CHN2: variants seen among roughly 807,000 people sequenced by gnomAD.
The protein encoded by CHN2 is chimerin 2.
In CHN2, 35 loss-of-function variants were observed where a neutral mutation model predicts 56.3. The ratio of observed to expected loss-of-function variants is 0.62; its 90% CI spans 0.47 to 0.82. CHN2 has a LOEUF of 0.82. CHN2 is among the 40% of genes least tolerant of loss of function. The probability of loss-of-function intolerance (pLI) is 0.00; values close to 1 mark genes in which losing one functional copy is unlikely to be tolerated. For missense variants in CHN2, 491 were observed against 580.5 expected (o/e 0.85, Z 1.58); for synonymous variants, 210 against 212.8 (o/e 0.99, Z 0.12).
intron 1 of CHN2, chr7:29,212,339 C>T: frequency 6.8e-7 from 1 of 1,475,236 alleles, no homozygotes; most frequent in East Asian, 2.3e-5. Context: ...GCTTGCCTTG[C>T]TTCGAAGCAT....
chr7:29,484,930 A>G (rs768155647), intron 7 of CHN2, among the ~76,000 whole-genome samples: 8 of 152,244 alleles, frequency 5.3e-5, no homozygotes, highest in Non-Finnish European at 1.0e-4. Flanking sequence ...TGGTCCAGGC[A>G]TAACTGCTGA....
intron 2 of CHN2, among the ~76,000 whole-genome samples, chr7:29,154,351 T>G (rs573396207): frequency 6.6e-6 from 1 of 152,350 alleles, no homozygotes; most frequent in South Asian, 2.1e-4. Flanking sequence ...CATGTCTGTA[T>G]GAGCTAAATG....
chr7:29,336,307 A>G (rs1796610899), intron 1 of CHN2, among the ~76,000 whole-genome samples: 1 of 152,178 alleles, frequency 6.6e-6, no homozygotes, highest in African/African-American at 2.4e-5. Flanking sequence ...TTAACTATCC[A>G]GTGTGAGAAA....
At chr7:29,398,170 T>G in intron 4 of CHN2, 1 of 404,336 alleles carries the variant, frequency 2.5e-6, no homozygotes, top group Non-Finnish European at 4.4e-6. Context: ...TCCTTCCTTT[T>G]GTTTGCCTGC....
chr7:29,265,450 T>C (rs1790062377), intron 1 of CHN2, among the ~76,000 whole-genome samples: 2 of 152,324 alleles, frequency 1.3e-5, no homozygotes, highest in Middle Eastern at 6.8e-3. Flanking sequence ...GACTTCTGCC[T>C]CCTTAAGGCC....
intron 2 of CHN2, among the ~76,000 whole-genome samples, chr7:29,150,270 A>G (rs1344063373): frequency 6.6e-6 from 1 of 152,232 alleles, no homozygotes; most frequent in Non-Finnish European, 1.5e-5. Flanking sequence ...TGTACATGAT[A>G]AAAATACTAT....
intron 6 of CHN2, among the ~76,000 whole-genome samples, chr7:29,476,054 A>G (rs1786561808): frequency 6.6e-6 from 1 of 152,218 alleles, no homozygotes; most frequent in Non-Finnish European, 1.5e-5. Flanking sequence ...TAGTAGAAGG[A>G]AAGACACTTG....
intron 1 of CHN2, among the ~76,000 whole-genome samples, chr7:29,298,148 C>T (rs545509234): frequency 6.6e-5 from 10 of 152,208 alleles, no homozygotes; most frequent in African/African-American, 1.7e-4. Context: ...ATGTTTCTAT[C>T]CCCACTACTG....
intron 1 of CHN2, among the ~76,000 whole-genome samples, chr7:29,244,269 TG>T: frequency 1.3e-5 from 2 of 152,258 alleles, no homozygotes; most frequent in Middle Eastern, 3.4e-3. Context: ...CAGATAGAGG[TG>T]GCCCTGGGTA....
intron 1 of CHN2, among the ~76,000 whole-genome samples, chr7:29,305,751 A>G (rs1247297887): frequency 2.0e-5 from 3 of 147,120 alleles, no homozygotes; most frequent in Non-Finnish European, 4.5e-5. Context: ...TCTATTTCAT[A>G]TGTAAATCTT....
intron 7 of CHN2, among the ~76,000 whole-genome samples, chr7:29,494,276 C>CT (rs376653261): frequency 1.8e-3 from 264 of 149,172 alleles, no homozygotes; most frequent in South Asian, 6.4e-3. Flanking sequence ...CCTTTTTATA[C>CT]TTTTTTTTTT....
At chr7:29,227,318 T>G (rs1269937090) in intron 1 of CHN2, among the ~76,000 whole-genome samples, 1 of 152,198 alleles carries the variant, frequency 6.6e-6, no homozygotes, top group Admixed American at 6.5e-5. Context: ...CTCAGTGATC[T>G]CCTTTCTGGC....
chr7:29,494,950 TAAAAAAAA>T (rs5883217), intron 7 of CHN2, among the ~76,000 whole-genome samples: 1,025 of 64,692 alleles, frequency 0.016, 19 homozygotes, highest in South Asian at 0.022. Flanking sequence ...AAGCAGTTTG[TAAAAAAAA>T]AAAAAAAAAA....
intron 1 of CHN2, chr7:29,213,108 A>C (rs113501072): frequency 1.3e-6 from 2 of 1,588,038 alleles, no homozygotes; most frequent in Non-Finnish European, 1.7e-6. Context: ...TGGAAGCTGC[A>C]GGGGAAGGCC....
chr7:29,390,928 G>A (rs570014223), intron 3 of CHN2, among the ~76,000 whole-genome samples: 2 of 152,302 alleles, frequency 1.3e-5, no homozygotes, highest in South Asian at 4.1e-4. Context: ...TGTATGATTT[G>A]TATAGCACCA....
intron 7 of CHN2, among the ~76,000 whole-genome samples, chr7:29,483,570 T>A (rs1787596626): frequency 2.0e-5 from 3 of 152,182 alleles, no homozygotes; most frequent in Non-Finnish European, 2.9e-5. Context: ...ATGGTGAAAT[T>A]AACAGACTCC....
chr7:29,260,409 G>A (rs985345369), intron 1 of CHN2, among the ~76,000 whole-genome samples: 2 of 152,178 alleles, frequency 1.3e-5, no homozygotes, highest in Non-Finnish European at 2.9e-5. Flanking sequence ...CTCATTGGCA[G>A]TATTTTCATT....
chr7:29,179,270 C>T (rs532101050), intron 2 of CHN2, among the ~76,000 whole-genome samples: 28 of 152,226 alleles, frequency 1.8e-4, no homozygotes, highest in Non-Finnish European at 2.9e-4. Flanking sequence ...GGGATGCCAT[C>T]CTTAAGAACC....
At chr7:29,219,037 G>T (rs245932) in intron 1 of CHN2, among the ~76,000 whole-genome samples, 159 of 152,196 alleles carry the variant, frequency 1.0e-3, no homozygotes, top group Admixed American at 2.2e-3. Context: ...TTTAAATGTG[G>T]GCAGGCTCTG....
Sources: gnomAD v4.1 joint callset for allele counts (sites outside exome capture counted in the v4.1 genomes callset) on GRCh38, gnomAD v4.1.1 for gene constraint, MANE v1.5 for transcripts, NCBI Gene and HGNC (gene_info 2026-07-23, HGNC 2026-07-21) for gene names.